Variants in THAP4 observed in about 807,000 individuals in gnomAD.
THAP4 encodes THAP domain containing 4.
THAP4 carries 18 observed loss-of-function variants against 48.1 expected under a neutral mutation model. That is an observed-to-expected ratio of 0.37 (90% CI 0.26 to 0.56). THAP4 has a LOEUF of 0.56. Ranked by LOEUF, THAP4 falls within the 20% of genes least tolerant of loss-of-function variation. THAP4 has a pLI of 0.78. For missense variants in THAP4, 656 were observed against 774.9 expected (o/e 0.85, Z 1.82); for synonymous variants, 345 against 324.9 (o/e 1.06, Z -0.66).
At chr2:241,619,383 G>T (rs971795678) in intron 2 of THAP4, among the ~76,000 whole-genome samples, 1 of 152,192 alleles carries the variant, frequency 6.6e-6, no homozygotes, top group African/African-American at 2.4e-5. Flanking sequence ...ACGTCATGAG[G>T]CAAGTTCATC....
rs1467955298 is a variant in THAP4 at position 241,632,986 on chromosome 2, G to C, written c.1171C>G (p.Gln391Glu). The C allele has an allele frequency of 6.2e-7, 1 of 1,613,552 alleles. No homozygotes were observed. The highest frequency in any genetic ancestry group is 8.5e-7 in the Non-Finnish European group (1 of 1,179,902). The change falls in exon 2 of 6, where the codon CAG (glutamine) becomes GAG (glutamate). Residue 391 changes from glutamine (Q) to glutamate (E), a missense_variant. Gln to Glu is a conservative substitution (Grantham distance 29). This residue lies in a region of THAP4 where 176 missense variants were observed against 256.7 expected (regional missense o/e 0.69). Transcript: ENST00000407315. ...CTCCTCAGCTCATCCAGCTTCTCCT[G>C]TAGCTTCCGCACCTGGCTGTCGGAG... ...SRSDSQVRKLQEKLDELRRVS... is the reference protein window; with the variant it reads ...SRSDSQVRKLEEKLDELRRVS...
At chr2:241,587,495 C>G (rs2066908168) in intron 5 of THAP4, among the ~76,000 whole-genome samples, 1 of 152,188 alleles carries the variant, frequency 6.6e-6, no homozygotes, top group African/African-American at 2.4e-5. Flanking sequence ...GGGTTTCCAG[C>G]TTGTGGAGGG....
chr2:241,634,219 A>G (rs2067608805), intron 1 of THAP4, 140 bp from the exon 2 acceptor site: 1 of 617,990 alleles, frequency 1.6e-6, no homozygotes, highest in South Asian at 2.3e-5. Flanking sequence ...TACTTCAAAA[A>G]GATTTAAAGA....
At position 241,633,793 on chromosome 2, in the gene THAP4, T is replaced by G. The variant is rs1238409966; in HGVS notation, c.364A>C (p.Arg122=). ...VRGHSSAATS[R]GAAGWSPSSS... The stretch of plus-strand genomic sequence containing the variant: ...GACGGTGACCAACCTGCAGCTCCTC[T>G]GCTGGTGGCGGCACTCGAGTGTCCC... Residue 122 remains arginine (R), a synonymous_variant, in exon 2 of 6, where the codon AGA becomes CGA. Coordinates refer to ENST00000407315, the MANE Select transcript of THAP4 (RefSeq NM_015963.6). The surrounding 1 kb of genome is among the most constrained non-coding windows in gnomAD (Gnocchi z 7.5). 6.2e-7 allele frequency: 1 copy of G among 1,613,782 alleles called. No individual in the cohort carries two copies. Among genetic ancestry groups the G allele is most frequent in the African/African-American group, 1.3e-5 (1 of 75,052 alleles).
In THAP4 at chr2:241,610,366, C is replaced by T. The variant is rs959329856; in HGVS notation, c.1241-3893G>A. ...CGGGAGGGCCGCGCTCGCCCCCCAG[C>T]GCCAGGGTCACGCCACCGCGCCCTG... On this transcript the variant is annotated intron_variant, in intron 2 of 5. Transcript: ENST00000407315. The surrounding 1 kb of genome is among the most constrained non-coding windows in gnomAD (Gnocchi z 4.2). 1.3e-5 allele frequency among the ~76,000 whole-genome samples: 2 copies of T among 152,296 alleles called. No homozygotes were observed. The highest frequency in any genetic ancestry group is 4.8e-5 in the African/African-American group (2 of 41,580).
At chr2:241,617,834 T>C (rs1427458765) in intron 2 of THAP4, among the ~76,000 whole-genome samples, 3 of 152,044 alleles carry the variant, frequency 2.0e-5, no homozygotes, top group Non-Finnish European at 4.4e-5. Context: ...TCCTTTTCTG[T>C]CTCCTAGAGG....
In THAP4 at chr2:241,596,892, G is replaced by C. The variant is rs986143601; in HGVS notation, c.1614+5004C>G. ...CGGGACTGGCAGTTGCTCTGGGTGAGTCAGTGAGTGAGTGATGGGTGAATG... is the reference window on the plus strand; with the variant it reads ...CGGGACTGGCAGTTGCTCTGGGTGACTCAGTGAGTGAGTGATGGGTGAATG... On this transcript the variant is annotated intron_variant, in intron 5 of 5. Coordinates refer to ENST00000407315, the MANE Select transcript of THAP4 (RefSeq NM_015963.6). Among the ~76,000 whole-genome samples, 34 of 150,886 alleles carry C rather than the reference G, an allele frequency of 2.3e-4. 2 individuals are homozygous for C. The highest frequency in any genetic ancestry group is 8.3e-4 in the African/African-American group (34 of 41,074).
At position 241,606,327 on chromosome 2, in the gene THAP4, T is replaced by C. The variant is rs778832471; in HGVS notation, c.1387A>G (p.Met463Val). The change falls in exon 3 of 6, where the codon ATG (methionine) becomes GTG (valine). Residue 463 changes from methionine to valine, a missense_variant. Around this residue, in one of 4 missense-constraint regions of THAP4, gnomAD observed 176 missense variants for 256.7 expected, o/e 0.69. Coordinates refer to ENST00000407315, the MANE Select transcript of THAP4 (RefSeq NM_015963.6). ...EVHISHVGQP[M>V]LNFSFNSFHP... ...GAGACAACTTACGAGAAGTTCAGCA[T>C]GGGCTGGCCCACGTGGGAGATGTGA... 1.1e-5 allele frequency: 17 copies of C among 1,557,932 alleles called. No individual in the cohort carries two copies. The highest frequency in any genetic ancestry group is 9.7e-5 in the Admixed American group (5 of 51,600).
intron 4 of THAP4, among the ~76,000 whole-genome samples, chr2:241,602,572 G>T (rs2067128552): frequency 6.6e-6 from 1 of 152,108 alleles, no homozygotes; most frequent in Non-Finnish European, 1.5e-5. Flanking sequence ...CAGTATGTTG[G>T]CCAGGCTGGT....
Position 241,612,373 on chromosome 2 carries a change from C to T in THAP4, c.1241-5900G>A, listed in dbSNP as rs1214319334. Among the ~76,000 whole-genome samples the T allele has an allele frequency of 6.6e-6, 1 of 152,188 alleles. No homozygotes were observed. Among genetic ancestry groups the T allele is most frequent in the Non-Finnish European group, 1.5e-5 (1 of 68,028 alleles). ...CCTAGTGAAGACCATCTGGCATGTG[C>T]CTGAGAGGTTAAGTGTGGAGCAGTG... is the stretch of plus-strand genomic sequence containing the variant. On this transcript the variant is annotated intron_variant, in intron 2 of 5. Coordinates refer to ENST00000407315, the MANE Select transcript of THAP4 (RefSeq NM_015963.6). This position sits in a 1 kb window ranked among gnomAD's most constrained non-coding sequence, Gnocchi z 4.1.
In THAP4 at chr2:241,624,921, C is replaced by T. The variant is rs986896043; in HGVS notation, c.1240+7996G>A. Among the ~76,000 whole-genome samples the T allele has an allele frequency of 3.3e-5, 5 of 152,074 alleles. No individual in the cohort carries two copies. The East Asian group carries it at 7.7e-4, about 23-fold the overall frequency. On this transcript the variant is annotated intron_variant, in intron 2 of 5. Coordinates refer to ENST00000407315, the MANE Select transcript of THAP4 (RefSeq NM_015963.6). ...TCGGAGCGCCATTTTGCTCAGGAGA[C>T]GACAAGGGTTTTAGGAGCTCTGGGC...
intron 1 of THAP4, 64 bp from the exon 2 acceptor site, chr2:241,634,143 T>A: frequency 7.6e-7 from 1 of 1,320,682 alleles, no homozygotes; most frequent in Admixed American, 2.5e-5. Context: ...AATAATCAAC[T>A]GTAAAAGCAA....
Position 241,633,413 on chromosome 2 carries a change from C to T in THAP4, c.744G>A (p.Arg248=). 1.2e-6 allele frequency: 2 copies of T among 1,613,696 alleles called. No homozygotes were observed. Among genetic ancestry groups the T allele is most frequent in the Non-Finnish European group, 1.7e-6 (2 of 1,179,988 alleles). The change falls in exon 2 of 6, where the codon AGG becomes AGA. Residue 248 remains arginine, a synonymous_variant. Transcript: ENST00000407315. This position sits in a 1 kb window ranked among gnomAD's most constrained non-coding sequence, Gnocchi z 7.5. Reference sequence around the variant, plus strand: ...CAATGGGCTCTCGGGGGACAGATGGCCTTTCTCGGGTGTGCTTAGAGGAGA... The same window carrying T: ...CAATGGGCTCTCGGGGGACAGATGGTCTTTCTCGGGTGTGCTTAGAGGAGA... The part of the protein sequence containing the change: ...YSFSSKHTRE[R]PSVPREPIDR...
At chr2:241,637,538 C>G (rs751456913), upstream of THAP4, 2 of 1,453,320 alleles carry the variant, frequency 1.4e-6, no homozygotes, top group African/African-American at 3.0e-5. Flanking sequence ...CCGGGGCTCG[C>G]GTCGGCCCGG....
rs2067263214 is a variant in THAP4, at chr2:241,610,842, A to G, written c.1241-4369T>C. On this transcript the variant is annotated intron_variant, in intron 2 of 5. Transcript: ENST00000407315. This position sits in a 1 kb window ranked among gnomAD's most constrained non-coding sequence, Gnocchi z 4.2. ...GACGGGGACAGAGACACAGAGACAG[A>G]GAGACAGGGCCAGAGAGACACGGGG... 6.7e-6 allele frequency among the ~76,000 whole-genome samples: 1 copy of G among 150,130 alleles called. No individual in the cohort carries two copies.
chr2:241,585,594 T>G (rs2066883367), intron 5 of THAP4, among the ~76,000 whole-genome samples: 1 of 152,086 alleles, frequency 6.6e-6, no homozygotes. Context: ...AGACCCAATT[T>G]GGAGCAACTG....
intron 2 of THAP4, among the ~76,000 whole-genome samples, chr2:241,626,003 C>T (rs1417858484): frequency 1.3e-5 from 2 of 152,084 alleles, no homozygotes; most frequent in Non-Finnish European, 2.9e-5. Flanking sequence ...CGTAACCCGT[C>T]ACATCAACAG....
chr2:241,604,136 C>T (rs957794429), intron 3 of THAP4, among the ~76,000 whole-genome samples: 3 of 152,134 alleles, frequency 2.0e-5, no homozygotes, highest in Non-Finnish European at 4.4e-5. Context: ...AGGCTCGTCG[C>T]GGTCTCAGCT....
At chr2:241,608,178 C>T (rs1478848340) in intron 2 of THAP4, among the ~76,000 whole-genome samples, 1 of 152,152 alleles carries the variant, frequency 6.6e-6, no homozygotes, top group African/African-American at 2.4e-5. Context: ...CGTCCAAGAA[C>T]AGCTTGGAAC....
Sources: gnomAD v4.1 joint callset for allele counts (sites outside exome capture counted in the v4.1 genomes callset) on GRCh38, gnomAD v4.1.1 for gene constraint, gnomAD v4.1.1 regional missense constraint, Gnocchi (gnomAD v3.1) non-coding constraint, MANE v1.5 for transcripts, NCBI Gene and HGNC (gene_info 2026-07-23, HGNC 2026-07-21) for gene names.